HEXB: variants seen among roughly 807,000 people sequenced by gnomAD.
The protein encoded by HEXB is beta-hexosaminidase subunit beta.
Under a neutral mutation model 71.2 loss-of-function variants are expected in HEXB, and 51 were observed. The ratio of observed to expected loss-of-function variants is 0.72; its 90% CI spans 0.57 to 0.90. The LOEUF is 0.90. Among genes scored for constraint, HEXB ranks in the 40% least tolerant of loss-of-function variants. HEXB has a pLI of 0.00. For missense variants in HEXB, 617 were observed against 677.0 expected, an observed-to-expected ratio of 0.91 and a Z score of 0.98; for synonymous variants, 266 against 249.3, an observed-to-expected ratio of 1.07 and a Z score of -0.63.
chr5:74,679,825 A>AAAAAAAAT (rs1748705828), intron 1 of HEXB, among the ~76,000 whole-genome samples: 7 of 119,194 alleles, frequency 5.9e-5, no homozygotes, highest in Non-Finnish European at 1.4e-4. Flanking sequence ...AAAAAAAAAA[A>AAAAAAAAT]GTATGGCTTT....
chr5:74,656,670 T>C (rs951774380), intron 1 of HEXB, among the ~76,000 whole-genome samples: 8 of 152,166 alleles, frequency 5.3e-5, no homozygotes, highest in African/African-American at 1.9e-4. Flanking sequence ...AGTGGCATGA[T>C]CTTGGCTCAC....
chr5:74,715,181 A>G (rs2112174428), intron 7 of HEXB, among the ~76,000 whole-genome samples: 1 of 152,338 alleles, frequency 6.6e-6, no homozygotes, highest in African/African-American at 2.4e-5. Context: ...TATTTGAAGT[A>G]CAGCTAGGAT....
chr5:74,661,557 GTGTGTGTCTCTC>G (rs1561204880), intron 1 of HEXB, among the ~76,000 whole-genome samples: 3 of 77,730 alleles, frequency 3.9e-5, no homozygotes, highest in African/African-American at 1.4e-4. Flanking sequence ...GTGTGTGTGT[GTGTGTGTCTCTC>G]TCTCTCTCTC....
intron 1 of HEXB, among the ~76,000 whole-genome samples, chr5:74,656,957 C>A (rs1050879126): frequency 2.6e-5 from 4 of 152,178 alleles, no homozygotes; most frequent in Non-Finnish European, 5.9e-5. Flanking sequence ...TAACAGCCCC[C>A]CTTGCTGCTG....
At chr5:74,650,236 A>G (rs1028789540) in intron 1 of HEXB, among the ~76,000 whole-genome samples, 3 of 152,224 alleles carry the variant, frequency 2.0e-5, no homozygotes, top group Non-Finnish European at 4.4e-5. Context: ...TTCTTGAAGA[A>G]GCCAAACACA....
At chr5:74,718,699 C>A in intron 10 of HEXB, 98 bp from the exon 11 acceptor site, 1 of 1,229,856 alleles carries the variant, frequency 8.1e-7, no homozygotes, top group Admixed American at 1.8e-5. Flanking sequence ...TTTTAAGGAT[C>A]TTAGAAAATT....
intron 1 of HEXB, among the ~76,000 whole-genome samples, chr5:74,654,665 A>G (rs1748183771): frequency 6.6e-6 from 1 of 152,148 alleles, no homozygotes; most frequent in African/African-American, 2.4e-5. Context: ...GAAACGAGGA[A>G]TAAGGAATGA....
chr5:74,713,776 G>A, intron 7 of HEXB, 141 bp downstream of exon 7: 1 of 716,316 alleles, frequency 1.4e-6, no homozygotes. Flanking sequence ...CGATTCTCCT[G>A]CCTCAGCTTC....
chr5:74,653,083 C>T (rs1748151092), intron 1 of HEXB, among the ~76,000 whole-genome samples: 1 of 152,158 alleles, frequency 6.6e-6, no homozygotes, highest in African/African-American at 2.4e-5. Flanking sequence ...TGTGAATGCT[C>T]TAGCTTGACT....
At chr5:74,670,858 A>AC (rs1375926487) in intron 1 of HEXB, among the ~76,000 whole-genome samples, 1 of 149,890 alleles carries the variant, frequency 6.7e-6, no homozygotes, top group Non-Finnish European at 1.5e-5. Flanking sequence ...AATTGGCTGG[A>AC]CCCCGCACTT....
intron 3 of HEXB, 43 bp downstream of exon 3, chr5:74,693,747 A>G: frequency 2.1e-6 from 3 of 1,401,130 alleles, no homozygotes; most frequent in Non-Finnish European, 3.0e-6. Flanking sequence ...AGTAAAGGAA[A>G]ATTTTCAGTT....
intron 6 of HEXB, among the ~76,000 whole-genome samples, chr5:74,712,552 A>T (rs112991404): frequency 3.3e-5 from 5 of 152,228 alleles, no homozygotes; most frequent in African/African-American, 1.2e-4. Context: ...TAAGCTCCAT[A>T]ATTGTGGTGA....
chr5:74,702,065 G>GTTT (rs1749274050), intron 5 of HEXB, among the ~76,000 whole-genome samples: 1 of 85,054 alleles, frequency 1.2e-5, no homozygotes, highest in South Asian at 3.9e-4. Context: ...ATCTTTCCTT[G>GTTT]TCTTTTTTTT....
At chr5:74,661,032 T>TAGAG in intron 1 of HEXB, among the ~76,000 whole-genome samples, 1 of 146,206 alleles carries the variant, frequency 6.8e-6, no homozygotes, top group East Asian at 2.0e-4. Flanking sequence ...GAGAGAGAGA[T>TAGAG]AGAGAGAGAG....
At chr5:74,716,742 T>C in intron 9 of HEXB, 69 bp downstream of exon 9, 1 of 983,490 alleles carries the variant, frequency 1.0e-6, no homozygotes, top group South Asian at 1.4e-5. Context: ...ATGTGCTTTA[T>C]TTTTTACATT....
At chr5:74,649,593 G>C (rs893187555) in intron 1 of HEXB, among the ~76,000 whole-genome samples, 10 of 152,142 alleles carry the variant, frequency 6.6e-5, no homozygotes. Context: ...TGCCAGCCTT[G>C]AACACCTGGC....
intron 1 of HEXB, among the ~76,000 whole-genome samples, chr5:74,658,549 G>A (rs1748260628): frequency 6.6e-6 from 1 of 151,792 alleles, no homozygotes; most frequent in Non-Finnish European, 1.5e-5. Flanking sequence ...AGCTAGGTGG[G>A]CAATCAATCA....
Position 74,646,722 on chromosome 5 carries a change from C to A in HEXB, c.-377+6164C>A, listed in dbSNP as rs561322229. On this transcript the variant is annotated intron_variant, in intron 1 of 13. Transcript: ENST00000511181. ...AGCTGGGATTACAGGCGTCTGCCAC[C>A]GCGCCCAGCTAATTTTTTGTGTTTT... 2.0e-5 allele frequency among the ~76,000 whole-genome samples: 3 copies of A among 152,104 alleles called. No individual in the cohort carries two copies. In the South Asian group the frequency reaches 6.2e-4, roughly 32 times the overall value.
At chr5:74,704,644 C>CA (rs912720834) in intron 5 of HEXB, among the ~76,000 whole-genome samples, 1 of 152,160 alleles carries the variant, frequency 6.6e-6, no homozygotes, top group African/African-American at 2.4e-5. Context: ...CAGACTGCTA[C>CA]ATATTGGGAA....
Sources: gnomAD v4.1 joint callset for allele counts (sites outside exome capture counted in the v4.1 genomes callset) on GRCh38, gnomAD v4.1.1 for gene constraint, MANE v1.5 for transcripts, NCBI Gene and HGNC (gene_info 2026-07-23, HGNC 2026-07-21) for gene names.